GINM1: variants seen among roughly 807,000 people sequenced by gnomAD.
GINM1 encodes glycosylated integral membrane protein 1, also known as glycoprotein integral membrane protein 1.
In GINM1, 29 loss-of-function variants were observed where a neutral mutation model predicts 37.8. The observed-to-expected ratio is 0.77, with a 90% confidence interval of 0.57 to 1.05. The LOEUF is 1.05. Among genes scored for constraint, GINM1 ranks in the 50% least tolerant of loss-of-function variants. GINM1 has a pLI of 0.00. For synonymous variants in GINM1, 143 were observed against 146.2 expected (o/e 0.98, Z 0.16); for missense variants, 377 against 397.9 (o/e 0.95, Z 0.45).
Position 149,582,568 on chromosome 6 carries a change from C to T in GINM1, c.846C>T (p.Thr282=), listed in dbSNP as rs73781240. Residue 282 remains threonine (T), a synonymous_variant, in exon 7 of 8, where the codon ACC becomes ACT. Coordinates refer to ENST00000367419, the MANE Select transcript of GINM1 (RefSeq NM_138785.5). The stretch of plus-strand genomic sequence containing the variant: ...TTACAGGAGCAGCTGTGGTAATAAC[C>T]ATCTTAAAGGTGTTTTTCCCAGTTT... The part of the protein sequence containing the change: ...VGITGAAVVI[T]ILKVFFPVSE... 2,820 of 1,603,590 alleles carry T rather than the reference C, an allele frequency of 1.8e-3. 43 individuals carry two copies. The African/African-American group carries it at 0.034, about 19-fold the overall frequency.
At position 149,591,124 on chromosome 6, in the gene GINM1, AC is replaced by A. The variant is rs1778148860; in HGVS notation, c.*287del. 4.7e-6 allele frequency: 1 copy of A among 210,964 alleles called. No homozygotes were observed. 13.1% of individuals were successfully genotyped at this position (210,964 alleles called of 1,614,324 possible). A position where few individuals can be genotyped will look rare whatever the true frequency, so the allele number is the denominator to read the frequency against. The stretch of plus-strand genomic sequence containing the variant: ...GCCAACATGGTGAAACCCTGTCTCT[AC>A]TAAAAAAAATAAAAAAATTAGCTGG... On this transcript the variant is annotated 3_prime_UTR_variant, in exon 8 of 8. Coordinates refer to ENST00000367419, the MANE Select transcript of GINM1 (RefSeq NM_138785.5).
In GINM1 at chr6:149,582,493, C is replaced by T; in HGVS notation, c.771C>T (p.Ser257=). The part of the protein sequence containing the change: ...KFRKDLCRFW[S]NVFPVFFQFL... ...GAAAAGATCTGTGTAGGTTCTGGAGCAACGTTTTCCCAGTATTCTTTCAGT... is the reference window on the plus strand; with the variant it reads ...GAAAAGATCTGTGTAGGTTCTGGAGTAACGTTTTCCCAGTATTCTTTCAGT... Residue 257 remains serine (S), a synonymous_variant, in exon 7 of 8, where the codon AGC becomes AGT. Transcript: ENST00000367419. 1 of 1,612,366 alleles carries T rather than the reference C, an allele frequency of 6.2e-7. No homozygotes were observed. The highest frequency in any genetic ancestry group is 1.3e-5 in the African/African-American group (1 of 74,954).
chr6:149,574,295 G>A (rs543838461), intron 3 of GINM1, among the ~76,000 whole-genome samples: 17 of 152,070 alleles, frequency 1.1e-4, no homozygotes, highest in South Asian at 2.1e-4. Flanking sequence ...CAGGTGATCC[G>A]CCTGCCTCGG....
chr6:149,590,957 T>G lies in GINM1; in HGVS notation c.*119T>G. The stretch of plus-strand genomic sequence containing the variant: ...ATACACTAGAGAAATTGCTAAACTC[T>G]AAGACTGCCTGAAAATTGACCTTTA... On this transcript the variant is annotated 3_prime_UTR_variant, in exon 8 of 8. Coordinates refer to ENST00000367419, the MANE Select transcript of GINM1 (RefSeq NM_138785.5). 1.7e-6 allele frequency: 1 copy of G among 596,244 alleles called. No individual in the cohort carries two copies. Among genetic ancestry groups the G allele is most frequent in the Middle Eastern group, 2.6e-4 (1 of 3,848 alleles). 36.9% of individuals were successfully genotyped at this position (596,244 alleles called of 1,614,324 possible). A position where few individuals can be genotyped will look rare whatever the true frequency, so the allele number is the denominator to read the frequency against.
In GINM1 at chr6:149,580,616, A is replaced by G; in HGVS notation, c.610A>G (p.Thr204Ala). Residue 204 changes from threonine (T) to alanine (A), a missense_variant, in exon 6 of 8, where the codon ACT (threonine) becomes GCT (alanine). By Grantham distance (58) the Thr-to-Ala change is moderately conservative. Coordinates refer to ENST00000367419, the MANE Select transcript of GINM1 (RefSeq NM_138785.5). Reference protein sequence around the residue: ...KKESVSSLQTTSQYLIRNVET... With the variant: ...KKESVSSLQTASQYLIRNVET... ...AGAAAGTGTTAGTTCACTGCAAACC[A>G]CTAGCCAGTATCTTATCAGGAATGT... 3.1e-6 allele frequency: 5 copies of G among 1,613,560 alleles called. No homozygotes were observed. Among genetic ancestry groups the G allele is most frequent in the East Asian group, 2.2e-5 (1 of 44,850 alleles).
At position 149,584,826 on chromosome 6, in the gene GINM1, TAGAG is replaced by T. The variant is rs138596800; in HGVS notation, c.881+2239_881+2242del. Among the ~76,000 whole-genome samples, 656 of 148,274 alleles carry T rather than the reference TAGAG, an allele frequency of 4.4e-3. 1 individual carries two copies. Among genetic ancestry groups the T allele is most frequent in the African/African-American group, 7.1e-3 (288 of 40,670 alleles). ...AAATATTTATAAATGTATATATATA[TAGAG>T]AGAGAGAGAGAGAGACACGGGGATC... On this transcript the variant is annotated intron_variant, in intron 7 of 7. Transcript: ENST00000367419.
rs763310704 is a variant in GINM1, at chr6:149,590,863, C to T, written c.*25C>T. 60 of 1,116,332 alleles carry T rather than the reference C, an allele frequency of 5.4e-5. No individual in the cohort carries two copies. The highest frequency in any genetic ancestry group is 7.2e-5 in the Non-Finnish European group (53 of 739,578). The allele number at this position is 1,116,332 out of a possible 1,614,324, so 69.2% of individuals were successfully genotyped here. ...AAACGCCATCTCATATCATGGACTC[C>T]GAAGTAGCCTGTTGCCTCCAAATTT... On this transcript the variant is annotated 3_prime_UTR_variant, in exon 8 of 8. Coordinates refer to ENST00000367419, the MANE Select transcript of GINM1 (RefSeq NM_138785.5).
intron 3 of GINM1, among the ~76,000 whole-genome samples, chr6:149,576,942 G>A (rs1024905905): frequency 6.6e-6 from 1 of 152,226 alleles, no homozygotes; most frequent in Non-Finnish European, 1.5e-5. Context: ...CATCTGCTCA[G>A]CTTCTAAGGA....
At chr6:149,590,180 A>G (rs184947915) in intron 7 of GINM1, among the ~76,000 whole-genome samples, 144 of 152,316 alleles carry the variant, frequency 9.5e-4, no homozygotes, top group African/African-American at 3.5e-3. Context: ...TTTAAAAAAA[A>G]TCTTATGGCT....
At chr6:149,575,328 C>T (rs535521009) in intron 3 of GINM1, among the ~76,000 whole-genome samples, 28 of 152,282 alleles carry the variant, frequency 1.8e-4, no homozygotes, top group African/African-American at 6.5e-4. Flanking sequence ...TGTCTGAAAA[C>T]ATCTCTTTGC....
At chr6:149,569,714 A>T (rs1264244774) in intron 1 of GINM1, among the ~76,000 whole-genome samples, 1 of 152,200 alleles carries the variant, frequency 6.6e-6, no homozygotes, top group Admixed American at 6.5e-5. Context: ...TTCGGAGGAC[A>T]CTTACTTTCT....
At chr6:149,589,885 A>T (rs1344017710) in intron 7 of GINM1, among the ~76,000 whole-genome samples, 2 of 151,958 alleles carry the variant, frequency 1.3e-5, no homozygotes, top group Non-Finnish European at 2.9e-5. Context: ...TGCAACCTCC[A>T]CTTCCCGGGT....
intron 1 of GINM1, among the ~76,000 whole-genome samples, chr6:149,570,180 ATATATATATATATATAT>A (rs1777794415): frequency 3.8e-5 from 4 of 105,238 alleles, no homozygotes; most frequent in African/African-American, 7.4e-5. Context: ...ATATATATAT[ATATATATATATATATAT>A]AAAGTTCAGT....
chr6:149,590,882 C>G lies in GINM1; in HGVS notation c.*44C>G. On this transcript the variant is annotated 3_prime_UTR_variant, in exon 8 of 8. Coordinates refer to ENST00000367419, the MANE Select transcript of GINM1 (RefSeq NM_138785.5). ...GGACTCCGAAGTAGCCTGTTGCCTC[C>G]AAATTTGCCACTTGAATATAATTTT... 1 of 861,720 alleles carries G rather than the reference C, an allele frequency of 1.2e-6. No individual in the cohort carries two copies. The highest frequency in any genetic ancestry group is 1.9e-6 in the Non-Finnish European group (1 of 520,280). The allele number at this position is 861,720 out of a possible 1,614,324, so 53.4% of individuals were successfully genotyped here.
Position 149,591,135 on chromosome 6 carries a change from T to TA in GINM1, c.*304dup, listed in dbSNP as rs139738708. On this transcript the variant is annotated 3_prime_UTR_variant, in exon 8 of 8. Transcript: ENST00000367419. Reference sequence around the variant, plus strand: ...GAAACCCTGTCTCTACTAAAAAAAATAAAAAAATTAGCTGGGTGTGGCGGT... The same window carrying TA: ...GAAACCCTGTCTCTACTAAAAAAAATAAAAAAAATTAGCTGGGTGTGGCGGT... 18,078 of 195,202 alleles carry TA rather than the reference T, an allele frequency of 0.093. 1,711 individuals carry two copies. Among genetic ancestry groups the TA allele is most frequent in the East Asian group, 0.48 (3,297 of 6,886 alleles). The allele number at this position is 195,202 out of a possible 1,614,324, so 12.1% of individuals were successfully genotyped here.
At chr6:149,580,461 C>A in intron 5 of GINM1, 132 bp from the exon 6 acceptor site, 2 of 713,092 alleles carry the variant, frequency 2.8e-6, no homozygotes, top group Non-Finnish European at 4.6e-6. Context: ...AGTGAACATT[C>A]AGATGTGTTA....
Position 149,591,456 on chromosome 6 carries a change from G to T in GINM1, c.*618G>T, listed in dbSNP as rs1239868750. On this transcript the variant is annotated 3_prime_UTR_variant, in exon 8 of 8. Coordinates refer to ENST00000367419, the MANE Select transcript of GINM1 (RefSeq NM_138785.5). ...TCTCATGTGCCAATAACTTTTCAAG[G>T]TGCCTTTGTTAAGGAAATTATATCC... is the stretch of plus-strand genomic sequence containing the variant. 1 of 151,672 alleles carries T rather than the reference G, an allele frequency of 6.6e-6. No homozygotes were observed. The highest frequency in any genetic ancestry group is 2.4e-5 in the African/African-American group (1 of 41,326). The allele number at this position is 151,672 out of a possible 1,614,324, so 9.4% of individuals were successfully genotyped here.
At chr6:149,570,186 A>G (rs1169902902) in intron 1 of GINM1, among the ~76,000 whole-genome samples, 3 of 95,270 alleles carry the variant, frequency 3.1e-5, no homozygotes, top group Non-Finnish European at 6.4e-5. Flanking sequence ...ATATATATAT[A>G]TATATATATA....
At chr6:149,584,826 T>TAGAG (rs138596800) in intron 7 of GINM1, among the ~76,000 whole-genome samples, 2 of 148,252 alleles carry the variant, frequency 1.3e-5, no homozygotes, top group African/African-American at 4.9e-5. Flanking sequence ...TATATATATA[T>TAGAG]AGAGAGAGAG....
Sources: gnomAD v4.1 joint callset for allele counts (sites outside exome capture counted in the v4.1 genomes callset) on GRCh38, gnomAD v4.1.1 for gene constraint, MANE v1.5 for transcripts, NCBI Gene and HGNC (gene_info 2026-07-23, HGNC 2026-07-21) for gene names.